The following DNAJC2 variants were observed in gnomAD, a reference collection of about 807,000 sequenced individuals.
DNAJC2 encodes DnaJ heat shock protein family (Hsp40) member C2.
DNAJC2 carries 32 observed loss-of-function variants against 94.0 expected under a neutral mutation model. The observed-to-expected ratio is 0.34, with a 90% CI of 0.26 to 0.46. DNAJC2 has a LOEUF of 0.46. DNAJC2 is among the 20% of genes least tolerant of loss of function. The pLI is 1.00. For synonymous variants in DNAJC2, 210 were observed against 229.7 expected, an observed-to-expected ratio of 0.91 and a Z score of 0.77; for missense variants, 550 against 719.5, an observed-to-expected ratio of 0.76 and a Z score of 2.69.
At chr7:103,337,512 C>G in intron 3 of DNAJC2, 1 of 464,158 alleles carries the variant, frequency 2.2e-6, no homozygotes, top group Non-Finnish European at 3.8e-6. Context: ...CACACCCATC[C>G]TAATTTCTTA....
At chr7:103,320,377 C>T (rs1207220162) in intron 10 of DNAJC2, among the ~76,000 whole-genome samples, 3 of 152,054 alleles carry the variant, frequency 2.0e-5, no homozygotes, top group South Asian at 2.1e-4. Context: ...TGAGCCACCG[C>T]GCCCGGCTGT....
In DNAJC2 at chr7:103,324,525, T is replaced by C. The variant is rs777423180; in HGVS notation, c.610A>G (p.Met204Val). The C allele has an allele frequency of 1.3e-6, 2 of 1,495,818 alleles. No individual in the cohort carries two copies. The highest frequency in any genetic ancestry group is 1.8e-6 in the Non-Finnish European group (2 of 1,111,074). 92.7% of individuals were successfully genotyped at this position (1,495,818 alleles called of 1,614,324 possible). A position where few individuals can be genotyped will look rare whatever the true frequency, so the allele number is the denominator to read the frequency against. ...TCTACATCTTCAAATGATGAATTCA[T>C]ATCACCAAGTTTAGGAACATTTTTT... ...NKKNVPKLGDMNSSFEDVDIF... is the reference protein window; with the variant it reads ...NKKNVPKLGDVNSSFEDVDIF... The change falls in exon 6 of 17, where the codon ATG becomes GTG. Residue 204 changes from methionine (M) to valine (V), a missense_variant. This residue lies in a region of DNAJC2 where 279 missense variants were observed against 416.9 expected (regional missense o/e 0.67). Transcript: ENST00000379263.
At chr7:103,334,978 C>T (rs978251778) in intron 3 of DNAJC2, among the ~76,000 whole-genome samples, 49 of 152,070 alleles carry the variant, frequency 3.2e-4, no homozygotes, top group Non-Finnish European at 1.2e-4. Context: ...GGATTACAGG[C>T]ATGCGTCTCC....
intron 3 of DNAJC2, among the ~76,000 whole-genome samples, chr7:103,332,105 T>C (rs941190973): frequency 2.6e-5 from 4 of 151,674 alleles, no homozygotes; most frequent in African/African-American, 7.3e-5. Flanking sequence ...CTCGGGTTCA[T>C]GCCATTCTCC....
At chr7:103,340,485 A>G (rs777852171) in intron 2 of DNAJC2, among the ~76,000 whole-genome samples, 19 of 152,344 alleles carry the variant, frequency 1.2e-4, no homozygotes, top group African/African-American at 3.6e-4. Flanking sequence ...GGCATTTATC[A>G]TGCAGCAAGT....
intron 10 of DNAJC2, among the ~76,000 whole-genome samples, chr7:103,321,126 A>G (rs1586078150): frequency 6.6e-6 from 1 of 151,920 alleles, no homozygotes; most frequent in Non-Finnish European, 1.5e-5. Context: ...TGAACTTGGG[A>G]GGTGAAGGTT....
At chr7:103,340,208 CA>C (rs2116052504) in intron 2 of DNAJC2, among the ~76,000 whole-genome samples, 1 of 152,332 alleles carries the variant, frequency 6.6e-6, no homozygotes, top group South Asian at 2.1e-4. Flanking sequence ...AGTATTTCTT[CA>C]AATAACAAAG....
intron 12 of DNAJC2, 74 bp from the exon 13 acceptor site, chr7:103,317,088 C>G (rs1366847481): frequency 7.7e-7 from 1 of 1,302,308 alleles, no homozygotes; most frequent in South Asian, 1.4e-5. Flanking sequence ...CTGGCTAGGG[C>G]TTTGTGGTCC....
rs1157474209 is a variant in DNAJC2, at chr7:103,312,943, C to T, written c.1791+4G>A. 2 of 1,605,290 alleles carry T rather than the reference C, an allele frequency of 1.2e-6. No homozygotes were observed. Among genetic ancestry groups the T allele is most frequent in the Admixed American group, 1.7e-5 (1 of 57,178 alleles). On this transcript the variant is annotated splice_donor_region_variant and intron_variant, in intron 16 of 16. Transcript: ENST00000379263. ...AACAATCTATAAACGCTTAAGTCTG[C>T]AACCTTGTATCGTTTCATGCAGTCC...
At chr7:103,329,107 C>G in intron 3 of DNAJC2, 2 of 570,244 alleles carry the variant, frequency 3.5e-6, no homozygotes, top group Non-Finnish European at 5.3e-6. Context: ...GTTTTTCATC[C>G]TTTAACTGGA....
Position 103,334,454 on chromosome 7 carries a change from T to A in DNAJC2, c.331+3282A>T, listed in dbSNP as rs570935882. Among the ~76,000 whole-genome samples, 38 of 151,804 alleles carry A rather than the reference T, an allele frequency of 2.5e-4. No homozygotes were observed. In the South Asian group the frequency reaches 5.8e-3, roughly 23 times the overall value. Reference sequence around the variant, plus strand: ...GGCAGGTGCCTGTAATCCCAGCTACTTAGGAGGCTGAGGCAGAAGAATGAG... The same window carrying A: ...GGCAGGTGCCTGTAATCCCAGCTACATAGGAGGCTGAGGCAGAAGAATGAG... On this transcript the variant is annotated intron_variant, in intron 3 of 16. Transcript: ENST00000379263.
chr7:103,319,761 C>T lies in DNAJC2; in HGVS notation c.1167G>A (p.Leu389=). Residue 389 remains leucine, a synonymous_variant, in exon 11 of 17, where the codon CTG becomes CTA. Coordinates refer to ENST00000379263, the MANE Select transcript of DNAJC2 (RefSeq NM_014377.3). ...EVEKLCDRLE[L]ASLQCLNETL... ...TAGCAGTTCCATAGGTATACCTTGC[C>T]AGTTCAAGCCGATCACAAAGTTTTT... The T allele has an allele frequency of 6.2e-7, 1 of 1,614,198 alleles. No homozygotes were observed. The highest frequency in any genetic ancestry group is 8.5e-7 in the Non-Finnish European group (1 of 1,180,040).
intron 15 of DNAJC2, among the ~76,000 whole-genome samples, chr7:103,314,841 TAGTCA>T (rs1817958279): frequency 1.3e-5 from 2 of 152,212 alleles, no homozygotes; most frequent in Non-Finnish European, 1.5e-5. Flanking sequence ...AGCTTATGTA[TAGTCA>T]AGTCTATTAA....
intron 15 of DNAJC2, 142 bp from the exon 16 acceptor site, chr7:103,313,243 A>G: frequency 1.4e-6 from 2 of 1,410,718 alleles, no homozygotes; most frequent in South Asian, 1.6e-5. Context: ...TGAGAGATAC[A>G]TATAGCCCTC....
Position 103,313,083 on chromosome 7 carries a change from G to T in DNAJC2, c.1655C>A (p.Thr552Asn). Reference protein sequence around the residue: ...ERFEGPYTDFTPWTTEEQKLL... With the variant: ...ERFEGPYTDFNPWTTEEQKLL... ...CTTCTGTTCTTCTGTTGTCCAAGGG[G>T]TGAAGTCTGTATATGGACCTGATTA... is the stretch of plus-strand genomic sequence containing the variant. The change falls in exon 16 of 17, where the codon ACC becomes AAC. Residue 552 changes from threonine to asparagine, a missense_variant. By Grantham distance (65) the Thr-to-Asn change is moderately conservative. Transcript: ENST00000379263. The T allele has an allele frequency of 6.2e-7, 1 of 1,613,220 alleles. No individual in the cohort carries two copies. Among genetic ancestry groups the T allele is most frequent in the Non-Finnish European group, 8.5e-7 (1 of 1,179,730 alleles).
At chr7:103,325,118 T>C (rs779815311) in intron 5 of DNAJC2, among the ~76,000 whole-genome samples, 1 of 152,132 alleles carries the variant, frequency 6.6e-6, no homozygotes, top group Non-Finnish European at 1.5e-5. Flanking sequence ...CAGAAAAATA[T>C]ACTACTACTT....
chr7:103,326,129 C>G (rs1342209567), intron 5 of DNAJC2, among the ~76,000 whole-genome samples: 1 of 152,086 alleles, frequency 6.6e-6, no homozygotes, highest in African/African-American at 2.4e-5. Flanking sequence ...CAGGCATGCA[C>G]CTCCACGGCC....
chr7:103,319,904 A>G, intron 10 of DNAJC2, 60 bp from the exon 11 acceptor site: 1 of 1,567,316 alleles, frequency 6.4e-7, no homozygotes, highest in South Asian at 1.1e-5. Context: ...CAACATAATT[A>G]CAAAGCTGTA....
chr7:103,325,248 A>C (rs1188287251), intron 5 of DNAJC2, among the ~76,000 whole-genome samples: 1 of 152,212 alleles, frequency 6.6e-6, no homozygotes, highest in East Asian at 1.9e-4. Flanking sequence ...GTTTGAGACC[A>C]GTCTGGCCAA....
Sources: gnomAD v4.1 joint callset for allele counts (sites outside exome capture counted in the v4.1 genomes callset) on GRCh38, gnomAD v4.1.1 for gene constraint, gnomAD v4.1.1 regional missense constraint, MANE v1.5 for transcripts, NCBI Gene and HGNC (gene_info 2026-07-23, HGNC 2026-07-21) for gene names.